Variants in GNAL observed in about 807,000 individuals in gnomAD.
The protein encoded by GNAL is guanine nucleotide-binding protein G(olf) subunit alpha.
Under a neutral mutation model 55.1 loss-of-function variants are expected in GNAL, and 18 were observed. The observed-to-expected ratio is 0.33, with a 90% CI of 0.23 to 0.48. The LOEUF is 0.48. Among genes scored for constraint, GNAL ranks in the 20% least tolerant of loss-of-function variants. GNAL has a pLI of 0.99. For synonymous variants in GNAL, 253 were observed against 237.0 expected (o/e 1.07, Z -0.62); for missense variants, 412 against 614.1 (o/e 0.67, Z 3.48).
rs964132380 is a variant in GNAL at position 11,740,841 on chromosome 18, A to C, written c.377-12012A>C. Among the ~76,000 whole-genome samples the C allele has an allele frequency of 2.6e-5, 4 of 152,268 alleles. No homozygotes were observed. The East Asian group carries it at 7.7e-4, about 29-fold the overall frequency. ...GATGACAAATAAAAGCAAACCATGC[A>C]ATGCAAACATAGACAAATATGAAGC... On this transcript the variant is annotated intron_variant, in intron 1 of 11. Transcript: ENST00000334049.
In GNAL at chr18:11,759,626, G is replaced by A. The variant is rs143656114; in HGVS notation, c.624+5681G>A. Among the ~76,000 whole-genome samples the A allele has an allele frequency of 7.2e-3, 1,102 of 152,346 alleles. 7 individuals are homozygous for A. Among genetic ancestry groups the A allele is most frequent in the Middle Eastern group, 0.014 (4 of 294 alleles). On this transcript the variant is annotated intron_variant, in intron 4 of 11. Transcript: ENST00000334049. ...CCACAGTGGCCTGGGCCAAGGCCCC[G>A]AGAGCCAGACGGCCTGGTGTGACTC...
At chr18:11,812,466 A>T (rs2034840827) in intron 4 of GNAL, among the ~76,000 whole-genome samples, 1 of 152,210 alleles carries the variant, frequency 6.6e-6, no homozygotes, top group Non-Finnish European at 1.5e-5. Context: ...AGGACACAGG[A>T]ACAAATACAG....
rs1274892300 is a variant in GNAL, at chr18:11,868,708, T to G, written c.1031+45T>G. On this transcript the variant is annotated intron_variant, in intron 9 of 11. Coordinates refer to ENST00000334049, the MANE Select transcript of GNAL (RefSeq NM_182978.4). The surrounding 1 kb of genome is among the most constrained non-coding windows in gnomAD (Gnocchi z 4.0). ...CAGTCTTACCATTGGATTGCAAATT[T>G]TCTTTTGTTAAAAATACGCTCAGGC... is the stretch of plus-strand genomic sequence containing the variant. 10 of 1,562,994 alleles carry G rather than the reference T, an allele frequency of 6.4e-6. No homozygotes were observed. Among genetic ancestry groups the G allele is most frequent in the South Asian group, 1.2e-5 (1 of 86,474 alleles).
chr18:11,789,312 T>C (rs184498388), intron 4 of GNAL, among the ~76,000 whole-genome samples: 5 of 152,278 alleles, frequency 3.3e-5, no homozygotes, highest in African/African-American at 1.2e-4. Context: ...ACTCAGGTAT[T>C]TAAATCTGGG....
chr18:11,852,085 C>T (rs1363531582), intron 5 of GNAL: 1 of 1,607,256 alleles, frequency 6.2e-7, no homozygotes, highest in Admixed American at 1.7e-5. Flanking sequence ...GTCTCAGAGA[C>T]TGGCCCGCCT....
intron 4 of GNAL, among the ~76,000 whole-genome samples, chr18:11,773,576 G>A (rs1050379509): frequency 1.3e-4 from 20 of 152,124 alleles, no homozygotes; most frequent in Admixed American, 1.3e-3. Context: ...GACCAGACCA[G>A]CCTGGGCAAA....
intron 1 of GNAL, among the ~76,000 whole-genome samples, chr18:11,723,793 C>T (rs1414015602): frequency 6.6e-6 from 1 of 152,220 alleles, no homozygotes; most frequent in Non-Finnish European, 1.5e-5. Flanking sequence ...TTTCCTGACA[C>T]AGCCTGTCCC....
Position 11,876,700 on chromosome 18 carries a change from T to G in GNAL, c.1230+12T>G. On this transcript the variant is annotated intron_variant, in intron 11 of 11. Coordinates refer to ENST00000334049, the MANE Select transcript of GNAL (RefSeq NM_182978.4). Reference sequence around the variant, plus strand: ...GGGACCTGTTTTTGGTAAGCAATTTTGTTAACCTTTGTTTTTCTACCTCCC... The same window carrying G: ...GGGACCTGTTTTTGGTAAGCAATTTGGTTAACCTTTGTTTTTCTACCTCCC... 6.6e-7 allele frequency: 1 copy of G among 1,508,052 alleles called. No individual in the cohort carries two copies. Among genetic ancestry groups the G allele is most frequent in the Non-Finnish European group, 9.2e-7 (1 of 1,083,082 alleles). 93.4% of individuals were successfully genotyped at this position (1,508,052 alleles called of 1,614,324 possible). A position where few individuals can be genotyped will look rare whatever the true frequency, so the allele number is the denominator to read the frequency against.
chr18:11,786,436 C>CTTTTTTTTTTTTTT (rs66803403), intron 4 of GNAL, among the ~76,000 whole-genome samples: 5 of 60,682 alleles, frequency 8.2e-5, no homozygotes, highest in Non-Finnish European at 1.4e-4. Flanking sequence ...CATACGTTTT[C>CTTTTTTTTTTTTTT]TTTTTTTTTT....
At chr18:11,841,074 G>A (rs1051795637) in intron 5 of GNAL, among the ~76,000 whole-genome samples, 13 of 151,616 alleles carry the variant, frequency 8.6e-5, no homozygotes, top group East Asian at 1.9e-4. Context: ...AGGTTTCGCC[G>A]TGTTGCCCAG....
chr18:11,701,813 G>A (rs2143321911), intron 1 of GNAL, among the ~76,000 whole-genome samples: 1 of 152,280 alleles, frequency 6.6e-6, no homozygotes, highest in South Asian at 2.1e-4. Context: ...GTTATCAAAC[G>A]GGAAGGAGAC....
At chr18:11,706,892 C>A (rs909966874) in intron 1 of GNAL, among the ~76,000 whole-genome samples, 2 of 152,202 alleles carry the variant, frequency 1.3e-5, no homozygotes, top group Non-Finnish European at 2.9e-5. Flanking sequence ...TCAAAGCAAT[C>A]CATGAGGGTT....
chr18:11,740,402 C>T (rs2032552267), intron 1 of GNAL, among the ~76,000 whole-genome samples: 1 of 152,086 alleles, frequency 6.6e-6, no homozygotes. Context: ...CGTCCCTGCT[C>T]GCTGCTACTG....
intron 5 of GNAL, among the ~76,000 whole-genome samples, chr18:11,827,527 C>T (rs1598411240): frequency 3.3e-5 from 5 of 151,944 alleles, no homozygotes; most frequent in African/African-American, 1.2e-4. Context: ...GCAGGAGAAT[C>T]GCTCGAACTT....
At chr18:11,783,253 C>T (rs796209250) in intron 4 of GNAL, among the ~76,000 whole-genome samples, 4 of 152,108 alleles carry the variant, frequency 2.6e-5, no homozygotes, top group Non-Finnish European at 5.9e-5. Flanking sequence ...CTTTTAGAGC[C>T]CAGCTCCCCT....
chr18:11,724,162 T>A (rs8083369), intron 1 of GNAL, among the ~76,000 whole-genome samples: 2 of 152,210 alleles, frequency 1.3e-5, no homozygotes, highest in East Asian at 3.9e-4. Flanking sequence ...GGGAAACTTA[T>A]AAAGAAAAGA....
At chr18:11,821,988 G>A (rs2035106045) in intron 4 of GNAL, among the ~76,000 whole-genome samples, 1 of 152,254 alleles carries the variant, frequency 6.6e-6, no homozygotes, top group Non-Finnish European at 1.5e-5. Flanking sequence ...TTTCACGGGT[G>A]CTAAGTAAGT....
chr18:11,869,301 AC>A (rs2036339227), intron 9 of GNAL, among the ~76,000 whole-genome samples: 2 of 151,362 alleles, frequency 1.3e-5, no homozygotes, highest in Admixed American at 6.6e-5. Flanking sequence ...CCTCCACCAC[AC>A]CCAGCTAATA....
chr18:11,824,344 T>C (rs969677640), intron 4 of GNAL, among the ~76,000 whole-genome samples: 4 of 152,116 alleles, frequency 2.6e-5, no homozygotes, highest in Non-Finnish European at 5.9e-5. Flanking sequence ...AGCTAACATA[T>C]GGTATTAACT....
Sources: gnomAD v4.1 joint callset for allele counts (sites outside exome capture counted in the v4.1 genomes callset) on GRCh38, gnomAD v4.1.1 for gene constraint, Gnocchi (gnomAD v3.1) non-coding constraint, MANE v1.5 for transcripts, NCBI Gene and HGNC (gene_info 2026-07-23, HGNC 2026-07-21) for gene names.